The following KLF7 variants were observed in gnomAD, a reference collection of about 807,000 sequenced individuals.
The protein encoded by KLF7 is KLF transcription factor 7.
KLF7 carries 2 observed loss-of-function variants against 27.3 expected under a neutral mutation model. The ratio of observed to expected loss-of-function variants is 0.07; its 90% CI spans 0.03 to 0.23. KLF7 has a LOEUF of 0.23. KLF7 is among the 10% of genes least tolerant of loss of function. The pLI, the probability that KLF7 is intolerant of heterozygous loss-of-function variation, is 1.00. For missense variants in KLF7, 221 were observed against 394.1 expected (o/e 0.56, Z 3.72); for synonymous variants, 165 against 162.4 (o/e 1.02, Z -0.12).
In KLF7 at chr2:207,088,567, T is replaced by C; in HGVS notation, c.748A>G (p.Lys250Glu). 1 of 1,613,878 alleles carries C rather than the reference T, an allele frequency of 6.2e-7. No homozygotes were observed. The highest frequency in any genetic ancestry group is 1.3e-5 in the African/African-American group (1 of 75,052). ...QRTHTGEKPY[K>E]CSWEGCEWRF... ...CACTCACATCCCTCCCATGAGCACTTATAAGGCTTCTCACCTGCAAGAAGA... is the reference window on the plus strand; with the variant it reads ...CACTCACATCCCTCCCATGAGCACTCATAAGGCTTCTCACCTGCAAGAAGA... The change falls in exon 3 of 4, where the codon AAG becomes GAG. Residue 250 changes from lysine (K) to glutamate (E), a missense_variant. By Grantham distance (56) the Lys-to-Glu change is moderately conservative. Coordinates refer to ENST00000309446, the MANE Select transcript of KLF7 (RefSeq NM_003709.4).
At chr2:207,153,745 C>T (rs904649099) in intron 1 of KLF7, among the ~76,000 whole-genome samples, 1 of 152,064 alleles carries the variant, frequency 6.6e-6, no homozygotes, top group Non-Finnish European at 1.5e-5. Context: ...AACATCCTCC[C>T]TTGGGGCAGC....
chr2:207,166,966 C>A (rs2078733733), upstream of KLF7: 1 of 835,596 alleles, frequency 1.2e-6, no homozygotes, highest in Non-Finnish European at 1.6e-6. Context: ...CTCCCTCCCG[C>A]GCCTCCTTCT....
At chr2:207,122,900 C>T (rs1174582119) in intron 2 of KLF7, among the ~76,000 whole-genome samples, 1 of 152,154 alleles carries the variant, frequency 6.6e-6, no homozygotes, top group African/African-American at 2.4e-5. Context: ...GTAATTGCTA[C>T]TAGCATCCTA....
chr2:207,137,375 T>C (rs2077817858), intron 1 of KLF7, among the ~76,000 whole-genome samples: 1 of 152,204 alleles, frequency 6.6e-6, no homozygotes, highest in Non-Finnish European at 1.5e-5. Context: ...ACACACCACT[T>C]ACACAGGTGA....
At chr2:207,088,361 C>G in intron 3 of KLF7, 97 bp downstream of exon 3, 1 of 1,407,276 alleles carries the variant, frequency 7.1e-7, no homozygotes, top group South Asian at 1.5e-5. Context: ...GTCTGTGAGT[C>G]AGACCTGTGA....
At chr2:207,095,031 C>CTTTTTTTTT (rs36091471) in intron 2 of KLF7, among the ~76,000 whole-genome samples, 13 of 82,416 alleles carry the variant, frequency 1.6e-4, no homozygotes, top group East Asian at 4.0e-4. Flanking sequence ...TGTTTTTATT[C>CTTTTTTTTT]TTTTTTTTTT....
rs1386137217 is a variant in KLF7, at chr2:207,075,913, A to T, written c.*5300T>A. ...GCCAATAAGCCCCAAAGCCTTCAGG[A>T]CCTAGGTTTGCAGAAATCGTTCTGC... On this transcript the variant is annotated 3_prime_UTR_variant, in exon 4 of 4. Transcript: ENST00000309446. 2 of 152,100 alleles carry T rather than the reference A, an allele frequency of 1.3e-5. No homozygotes were observed. The highest frequency in any genetic ancestry group is 2.9e-5 in the Non-Finnish European group (2 of 68,010). 9.4% of individuals were successfully genotyped at this position (152,100 alleles called of 1,614,324 possible).
At chr2:207,090,138 G>C (rs1001314253) in intron 2 of KLF7, among the ~76,000 whole-genome samples, 1 of 152,142 alleles carries the variant, frequency 6.6e-6, no homozygotes, top group Non-Finnish European at 1.5e-5. Context: ...CCACAGAGAA[G>C]GGGAACGAGA....
rs6725221 is a variant in KLF7, at chr2:207,078,170, C to G, written c.*3043G>C. 88,588 of 152,028 alleles carry G rather than the reference C, an allele frequency of 0.58. 26,701 individuals are homozygous for G. The highest frequency in any genetic ancestry group is 0.65 in the Middle Eastern group (191 of 294). 9.4% of individuals were successfully genotyped at this position (152,028 alleles called of 1,614,324 possible). On this transcript the variant is annotated 3_prime_UTR_variant, in exon 4 of 4. Coordinates refer to ENST00000309446, the MANE Select transcript of KLF7 (RefSeq NM_003709.4). Reference sequence around the variant, plus strand: ...TGGTCATCATTCACAGGTGTCAACTCGGCTAAAGAAGAACAGTTTCAAAGC... The same window carrying G: ...TGGTCATCATTCACAGGTGTCAACTGGGCTAAAGAAGAACAGTTTCAAAGC...
At chr2:207,115,553 A>C (rs1481444593) in intron 2 of KLF7, among the ~76,000 whole-genome samples, 1 of 152,212 alleles carries the variant, frequency 6.6e-6, no homozygotes, top group Non-Finnish European at 1.5e-5. Context: ...ACCAACTTTT[A>C]ATTATTTTAA....
rs370291093 is a variant in KLF7, at chr2:207,124,039, A to T, written c.468T>A (p.Ser156=). Residue 156 remains serine, a synonymous_variant, in exon 2 of 4, where the codon TCT becomes TCA. Coordinates refer to ENST00000309446, the MANE Select transcript of KLF7 (RefSeq NM_003709.4). The part of the protein sequence containing the change: ...RHLVKTSQTL[S]AVDGTVTLKL... ...TCAACGTCACCGTGCCATCCACGGC[A>T]GAGAGAGTTTGTGAGGTTTTGACCA... is the stretch of plus-strand genomic sequence containing the variant. The T allele has an allele frequency of 3.1e-6, 5 of 1,614,008 alleles. No homozygotes were observed. In the African/African-American group the frequency reaches 6.7e-5, roughly 22 times the overall value.
intron 1 of KLF7, among the ~76,000 whole-genome samples, chr2:207,165,181 T>G (rs140789530): frequency 4.0e-3 from 603 of 152,004 alleles, no homozygotes; most frequent in African/African-American, 0.013. Flanking sequence ...AGGTCTCTGA[T>G]AGGGGACAGC....
chr2:207,130,137 T>C (rs1293214247), intron 1 of KLF7, among the ~76,000 whole-genome samples: 1 of 24,466 alleles, frequency 4.1e-5, no homozygotes, highest in African/African-American at 9.9e-5. Flanking sequence ...ACCTAAAGGG[T>C]TTCTTTCCTT....
At chr2:207,128,104 A>G (rs2077530487) in intron 1 of KLF7, among the ~76,000 whole-genome samples, 1 of 152,156 alleles carries the variant, frequency 6.6e-6, no homozygotes, top group African/African-American at 2.4e-5. Context: ...CCCTAGAGAA[A>G]TAGTTGTTGG....
chr2:207,171,929 G>A (rs544787658), upstream of KLF7, among the ~76,000 whole-genome samples: 9 of 152,268 alleles, frequency 5.9e-5, no homozygotes, highest in African/African-American at 1.9e-4. Flanking sequence ...GTATGACTAT[G>A]TGCTAATTGT....
rs184616222 is a variant in KLF7 at position 207,120,615 on chromosome 2, A to T, written c.733+3159T>A. On this transcript the variant is annotated intron_variant, in intron 2 of 3. Coordinates refer to ENST00000309446, the MANE Select transcript of KLF7 (RefSeq NM_003709.4). Reference sequence around the variant, plus strand: ...ATAAGAAATATTTTGACTGAATTAAAGTGAGTCCTGGGTTAAAATAGCTTG... The same window carrying T: ...ATAAGAAATATTTTGACTGAATTAATGTGAGTCCTGGGTTAAAATAGCTTG... Among the ~76,000 whole-genome samples, 19 of 152,328 alleles carry T rather than the reference A, an allele frequency of 1.2e-4. No homozygotes were observed. In the East Asian group the frequency reaches 3.7e-3, roughly 29 times the overall value.
At chr2:207,169,374 GTT>G (rs1301847103), upstream of KLF7, among the ~76,000 whole-genome samples, 1 of 152,144 alleles carries the variant, frequency 6.6e-6, no homozygotes, top group Non-Finnish European at 1.5e-5. Context: ...CACCAGTAAA[GTT>G]TTGCTTCATT....
chr2:207,111,648 G>C (rs1018312986), intron 2 of KLF7, among the ~76,000 whole-genome samples: 180 of 152,258 alleles, frequency 1.2e-3, no homozygotes, highest in African/African-American at 3.9e-3. Context: ...CAACTCCATG[G>C]AATACCTCCT....
intron 1 of KLF7, among the ~76,000 whole-genome samples, chr2:207,141,543 A>G (rs1559155958): frequency 6.6e-6 from 1 of 152,176 alleles, no homozygotes; most frequent in Non-Finnish European, 1.5e-5. Context: ...TAAAAGGGGA[A>G]GTTGGTACAT....
Sources: gnomAD v4.1 joint callset for allele counts (sites outside exome capture counted in the v4.1 genomes callset) on GRCh38, gnomAD v4.1.1 for gene constraint, MANE v1.5 for transcripts, NCBI Gene and HGNC (gene_info 2026-07-23, HGNC 2026-07-21) for gene names.